Variants in BRI3 observed in about 807,000 individuals in gnomAD.
The protein encoded by BRI3 is membrane protein BRI3.
In BRI3, 6 loss-of-function variants were observed where a neutral mutation model predicts 12.8. The observed-to-expected ratio is 0.47, with a 90% CI of 0.26 to 0.93. BRI3 has a LOEUF of 0.93. BRI3 is among the 40% of genes least tolerant of loss of function. The pLI is 0.15. For missense variants in BRI3, 134 were observed against 171.1 expected (o/e 0.78, Z 1.21); for synonymous variants, 91 against 76.1 (o/e 1.20, Z -1.02).
At chr7:98,304,952 G>A (rs571728732), upstream of BRI3, among the ~76,000 whole-genome samples, 7 of 147,930 alleles carry the variant, frequency 4.7e-5, no homozygotes, top group South Asian at 4.3e-4. Context: ...TGCAACATCC[G>A]CCTCCCTGGT....
upstream of BRI3, among the ~76,000 whole-genome samples, chr7:98,304,530 T>C (rs1800558469): frequency 2.0e-5 from 3 of 152,052 alleles, no homozygotes; most frequent in South Asian, 6.2e-4. Flanking sequence ...ACAGTACATA[T>C]ATCAATACAA....
At chr7:98,311,373 T>G (rs1192095860), downstream of BRI3, among the ~76,000 whole-genome samples, 4 of 147,268 alleles carry the variant, frequency 2.7e-5, no homozygotes, top group East Asian at 8.4e-4. Flanking sequence ...GAAACCCGGT[T>G]TCCACTAAAA....
At chr7:98,315,794 G>C in the BRI3 span, among the ~76,000 whole-genome samples, 2 of 152,242 alleles carry the variant, frequency 1.3e-5, no homozygotes, top group African/African-American at 4.8e-5. Flanking sequence ...TTCTCCTTGA[G>C]GTCCCTGACT....
upstream of BRI3, among the ~76,000 whole-genome samples, chr7:98,302,033 G>A (rs559614678): frequency 3.3e-5 from 5 of 152,308 alleles, no homozygotes; most frequent in East Asian, 7.7e-4. Context: ...CGTGCACCGT[G>A]CGCTGGCAGT....
At chr7:98,310,621 TTAGTA>T, downstream of BRI3, 1 of 1,530,778 alleles carries the variant, frequency 6.5e-7, no homozygotes, top group African/African-American at 1.4e-5. Context: ...TAGTCCAATA[TTAGTA>T]TAGTGCAGAA....
At chr7:98,320,184 G>GAACT in the BRI3 span, 1 of 1,588,380 alleles carries the variant, frequency 6.3e-7, no homozygotes, top group South Asian at 1.1e-5. Context: ...AGCAAAATAA[G>GAACT]TTCTAAAACC....
At position 98,281,881 on chromosome 7, in the gene BRI3, G is replaced by T; in HGVS notation, c.86G>T (p.Gly29Val). 2 of 1,308,830 alleles carry T rather than the reference G, an allele frequency of 1.5e-6. No individual in the cohort carries two copies. The highest frequency in any genetic ancestry group is 2.1e-5 in the South Asian group (1 of 47,548). 81.1% of individuals were successfully genotyped at this position (1,308,830 alleles called of 1,614,324 possible). Residue 29 changes from glycine to valine, a missense_variant, in exon 1 of 3, where the codon GGC becomes GTC. By Grantham distance (109) the Gly-to-Val change is moderately radical (BLOSUM62 -3). Coordinates refer to ENST00000297290, the MANE Select transcript of BRI3 (RefSeq NM_015379.5). ...GQGDYACGPH[G>V]YGAIPAAPPP... ...GGCGACTACGCGTGCGGCCCGCACG[G>T]CTACGGCGCCATCCCCGCCGCGCCC...
intron 1 of BRI3, among the ~76,000 whole-genome samples, chr7:98,299,346 C>T (rs905164219): frequency 1.1e-4 from 16 of 151,588 alleles, no homozygotes; most frequent in African/African-American, 1.2e-4. Context: ...TCTATATAGA[C>T]GAGGTCCCAC....
chr7:98,298,322 A>G (rs186797170), intron 1 of BRI3, among the ~76,000 whole-genome samples: 2 of 151,876 alleles, frequency 1.3e-5, no homozygotes, highest in Non-Finnish European at 2.9e-5. Flanking sequence ...GCTTTTAAAA[A>G]ACATTAGGGG....
At chr7:98,305,526 C>T (rs1288129835), upstream of BRI3, among the ~76,000 whole-genome samples, 3 of 152,048 alleles carry the variant, frequency 2.0e-5, no homozygotes, top group Non-Finnish European at 2.9e-5. Flanking sequence ...GAACTTCGAT[C>T]CTCCCGCCTC....
intron 2 of BRI3, among the ~76,000 whole-genome samples, chr7:98,284,395 C>T (rs1288760311): frequency 6.6e-6 from 1 of 152,190 alleles, no homozygotes; most frequent in Non-Finnish European, 1.5e-5. Flanking sequence ...GCCCCTGTGC[C>T]CTGTGGCAGC....
In BRI3 at chr7:98,282,367, T is replaced by C. The variant is rs756375580; in HGVS notation, c.159T>C (p.His53=). 9.3e-6 allele frequency: 15 copies of C among 1,613,814 alleles called. No homozygotes were observed. Among genetic ancestry groups the C allele is most frequent in the Non-Finnish European group, 1.2e-5 (14 of 1,179,912 alleles). ...CGCCCACAGGGATACCCACCCACCA[T>C]CCCAGGGTCTACAACATCCACAGCC... The part of the protein sequence containing the change: ...PYLVTGIPTH[H]PRVYNIHSRT... Residue 53 remains histidine (H), a synonymous_variant, in exon 2 of 3, where the codon CAT becomes CAC. Coordinates refer to ENST00000297290, the MANE Select transcript of BRI3 (RefSeq NM_015379.5).
downstream of BRI3, among the ~76,000 whole-genome samples, chr7:98,293,758 C>G (rs913908568): frequency 2.6e-5 from 4 of 152,212 alleles, no homozygotes; most frequent in African/African-American, 9.6e-5. Context: ...AAGTTTTGTT[C>G]AGTGATGATT....
At chr7:98,287,182 C>A (rs1186336509) in intron 2 of BRI3, among the ~76,000 whole-genome samples, 1 of 152,252 alleles carries the variant, frequency 6.6e-6, no homozygotes, top group Non-Finnish European at 1.5e-5. Flanking sequence ...GGCGGCACTG[C>A]AGGGAAACAG....
the BRI3 span, chr7:98,317,314 C>CT: frequency 6.2e-7 from 1 of 1,614,196 alleles, no homozygotes; most frequent in Non-Finnish European, 8.5e-7. Flanking sequence ...TCCAAAGACT[C>CT]TAATTTATTC....
chr7:98,306,116 G>A (rs77358975), upstream of BRI3, among the ~76,000 whole-genome samples: 9 of 152,226 alleles, frequency 5.9e-5, no homozygotes, highest in Admixed American at 4.6e-4. Context: ...AGATAAGAAC[G>A]GTAAGATAAG....
intron 2 of BRI3, among the ~76,000 whole-genome samples, chr7:98,283,927 T>TTG (rs1350225564): frequency 3.9e-5 from 6 of 152,096 alleles, no homozygotes; most frequent in Non-Finnish European, 7.4e-5. Context: ...GGTGGCGCAG[T>TTG]TGCTGTCGGT....
At chr7:98,310,552 T>G, downstream of BRI3, 1 of 1,592,820 alleles carries the variant, frequency 6.3e-7, no homozygotes, top group Non-Finnish European at 8.5e-7. Context: ...GGGGGGCATC[T>G]TTGGTGAGCA....
chr7:98,292,533 C>T, downstream of BRI3: 2 of 1,111,220 alleles, frequency 1.8e-6, no homozygotes, highest in Non-Finnish European at 2.6e-6. Flanking sequence ...AGATGATTTC[C>T]AGCCCCGGGC....
Sources: gnomAD v4.1 joint callset for allele counts (sites outside exome capture counted in the v4.1 genomes callset) on GRCh38, gnomAD v4.1.1 for gene constraint, MANE v1.5 for transcripts, NCBI Gene and HGNC (gene_info 2026-07-23, HGNC 2026-07-21) for gene names.